Variants in NOS1AP observed in about 807,000 individuals in gnomAD.
The protein encoded by NOS1AP is carboxyl-terminal PDZ ligand of neuronal nitric oxide synthase protein.
In NOS1AP, 21 loss-of-function variants were observed where a neutral mutation model predicts 56.2. The ratio of observed to expected loss-of-function variants is 0.37; its 90% CI spans 0.26 to 0.54. The LOEUF is 0.54. Among genes scored for constraint, NOS1AP ranks in the 20% least tolerant of loss-of-function variants. The pLI, the probability that NOS1AP is intolerant of heterozygous loss-of-function variation, is 0.84. For missense variants in NOS1AP, 522 were observed against 657.8 expected, an observed-to-expected ratio of 0.79 and a Z score of 2.26; for synonymous variants, 270 against 274.6, an observed-to-expected ratio of 0.98 and a Z score of 0.17.
intron 2 of NOS1AP, among the ~76,000 whole-genome samples, chr1:162,243,017 C>G (rs911975605): frequency 1.3e-5 from 2 of 152,138 alleles, no homozygotes; most frequent in Admixed American, 6.5e-5. Context: ...CCACAGACAG[C>G]AGGCAGTGCA....
At chr1:162,266,699 A>T (rs1354873676) in intron 2 of NOS1AP, among the ~76,000 whole-genome samples, 1 of 152,216 alleles carries the variant, frequency 6.6e-6, no homozygotes, top group Admixed American at 6.5e-5. Flanking sequence ...CATATGCTAG[A>T]ATAGTTCTGA....
At chr1:162,262,255 C>A (rs772145189) in intron 2 of NOS1AP, among the ~76,000 whole-genome samples, 2 of 152,148 alleles carry the variant, frequency 1.3e-5, no homozygotes, top group Non-Finnish European at 2.9e-5. Flanking sequence ...AGAGAAGCAT[C>A]ACTTACTATA....
intron 5 of NOS1AP, among the ~76,000 whole-genome samples, chr1:162,341,232 G>A (rs1027709472): frequency 1.3e-5 from 2 of 152,192 alleles, no homozygotes; most frequent in African/African-American, 4.8e-5. Context: ...GTGATTTACA[G>A]AGATGATGGA....
intron 1 of NOS1AP, among the ~76,000 whole-genome samples, chr1:162,106,765 A>G (rs2102036592): frequency 6.6e-6 from 1 of 152,220 alleles, no homozygotes; most frequent in East Asian, 1.9e-4. Context: ...GGGGAAATCG[A>G]TACGTACATT....
At chr1:162,347,053 T>C (rs1657318534) in intron 6 of NOS1AP, among the ~76,000 whole-genome samples, 1 of 152,230 alleles carries the variant, frequency 6.6e-6, no homozygotes, top group Admixed American at 6.5e-5. Flanking sequence ...GGTCAATTTT[T>C]AGAGCGTAAT....
At position 162,321,731 on chromosome 1, in the gene NOS1AP, A is replaced by AAAATATAT. The variant is rs1480278757; in HGVS notation, c.345-11285_345-11284insAATATATA. On this transcript the variant is annotated intron_variant, in intron 4 of 9. Coordinates refer to ENST00000361897, the MANE Select transcript of NOS1AP (RefSeq NM_014697.3). Reference sequence around the variant, plus strand: ...CTTAAAGTATAATTAAAAAAAAAAAAATATATATATATATATATATAAAAG... The same window carrying AAAATATAT: ...CTTAAAGTATAATTAAAAAAAAAAAAAAATATATATATATATATATATATATATAAAAG... Among the ~76,000 whole-genome samples the AAAATATAT allele has an allele frequency of 6.5e-4, 83 of 128,482 alleles. No homozygotes were observed. In the South Asian group the frequency reaches 0.011, roughly 16 times the overall value. The allele number at this position is 128,482 out of a possible 152,430, so 84.3% of individuals were successfully genotyped here. A position where few individuals can be genotyped will look rare whatever the true frequency, so the allele number is the denominator to read the frequency against.
At chr1:162,361,188 G>A (rs1477714246) in intron 8 of NOS1AP, among the ~76,000 whole-genome samples, 3 of 152,180 alleles carry the variant, frequency 2.0e-5, no homozygotes, top group East Asian at 1.9e-4. Flanking sequence ...GTTCTGCAAA[G>A]GAGACACTAA....
chr1:162,288,833 CT>C (rs1218171026), intron 3 of NOS1AP, among the ~76,000 whole-genome samples: 1 of 152,142 alleles, frequency 6.6e-6, no homozygotes, highest in Non-Finnish European at 1.5e-5. Flanking sequence ...CTTTGTAAAC[CT>C]TTGCTGTGTG....
chr1:162,362,875 C>T lies in NOS1AP; in HGVS notation c.940-2529C>T, dbSNP rs986706725. On this transcript the variant is annotated intron_variant, in intron 8 of 9. Transcript: ENST00000361897. ...AGAGGAGAAAACCTTAATAGCCACC[C>T]ACCATCTGACATCCAGATTACAATA... 7 of 829,338 alleles carry T rather than the reference C, an allele frequency of 8.4e-6. No individual in the cohort carries two copies. The African/African-American group carries it at 1.3e-4, about 15-fold the overall frequency. 51.4% of individuals were successfully genotyped at this position (829,338 alleles called of 1,614,324 possible). A position where few individuals can be genotyped will look rare whatever the true frequency, so the allele number is the denominator to read the frequency against.
At chr1:162,306,755 G>A (rs1390278808) in intron 4 of NOS1AP, among the ~76,000 whole-genome samples, 1 of 152,168 alleles carries the variant, frequency 6.6e-6, no homozygotes, top group Admixed American at 6.5e-5. Flanking sequence ...TGGTCAAAGT[G>A]GTGAAACTCC....
intron 4 of NOS1AP, among the ~76,000 whole-genome samples, chr1:162,304,780 C>CTGTGTGTG (rs3055849): frequency 0.01 from 1,474 of 146,182 alleles, 17 homozygotes; most frequent in African/African-American, 0.029. Flanking sequence ...ATTTTTATAT[C>CTGTGTGTG]TGTGTGTGTG....
At chr1:162,103,169 T>C (rs1346738523) in intron 1 of NOS1AP, among the ~76,000 whole-genome samples, 2 of 152,216 alleles carry the variant, frequency 1.3e-5, no homozygotes, top group Admixed American at 1.3e-4. Flanking sequence ...ACTTGTTGAT[T>C]TCTGCCTAAT....
At chr1:162,351,231 G>C (rs1417554791) in intron 6 of NOS1AP, among the ~76,000 whole-genome samples, 2 of 152,208 alleles carry the variant, frequency 1.3e-5, no homozygotes, top group Non-Finnish European at 2.9e-5. Flanking sequence ...CATACTAAGT[G>C]CTGTTTAAGT....
intron 1 of NOS1AP, among the ~76,000 whole-genome samples, chr1:162,102,094 T>C (rs1206342816): frequency 6.6e-6 from 1 of 152,170 alleles, no homozygotes; most frequent in Admixed American, 6.5e-5. Flanking sequence ...CATGCATGGC[T>C]CTTATTATTT....
rs185651441 is a variant in NOS1AP at position 162,205,187 on chromosome 1, C to G, written c.177+50711C>G. ...AGATGGGAAGTTGGTTCCTGATATT[C>G]ATACATTTATTGAGCAAACATTTAT... On this transcript the variant is annotated intron_variant, in intron 2 of 9. Coordinates refer to ENST00000361897, the MANE Select transcript of NOS1AP (RefSeq NM_014697.3). 1.5e-3 allele frequency among the ~76,000 whole-genome samples: 232 copies of G among 152,328 alleles called. 2 individuals carry two copies. The highest frequency in any genetic ancestry group is 5.3e-3 in the African/African-American group (222 of 41,576).
chr1:162,134,502 A>C (rs891406081), intron 1 of NOS1AP, among the ~76,000 whole-genome samples: 1 of 141,034 alleles, frequency 7.1e-6, no homozygotes, highest in African/African-American at 2.8e-5. Context: ...AAAAAAAAAA[A>C]AAAGTAAAAC....
chr1:162,162,334 G>A (rs183734451), intron 2 of NOS1AP, among the ~76,000 whole-genome samples: 4 of 152,346 alleles, frequency 2.6e-5, no homozygotes, highest in East Asian at 3.9e-4. Flanking sequence ...TTTTGCGGTC[G>A]TTGGAATAGA....
At chr1:162,267,592 T>G (rs1329585989) in intron 2 of NOS1AP, among the ~76,000 whole-genome samples, 2 of 113,450 alleles carry the variant, frequency 1.8e-5, no homozygotes, top group Admixed American at 1.8e-4. Context: ...AGACCCTGTC[T>G]CTACAAAAAA....
chr1:162,199,597 T>C (rs1264640053), intron 2 of NOS1AP, among the ~76,000 whole-genome samples: 1 of 72,900 alleles, frequency 1.4e-5, no homozygotes, highest in Non-Finnish European at 2.8e-5. Flanking sequence ...ATGGATTGCG[T>C]GTGTGTGTGT....
Sources: gnomAD v4.1 joint callset for allele counts (sites outside exome capture counted in the v4.1 genomes callset) on GRCh38, gnomAD v4.1.1 for gene constraint, MANE v1.5 for transcripts, NCBI Gene and HGNC (gene_info 2026-07-23, HGNC 2026-07-21) for gene names.